The following ANK2 variants were observed in gnomAD, a reference collection of about 807,000 sequenced individuals.
The protein encoded by ANK2 is ankyrin 2.
A neutral mutation model predicts 360.5 loss-of-function variants in ANK2; 83 were observed. That is an observed-to-expected ratio of 0.23 (90% CI 0.19 to 0.28). The LOEUF (loss-of-function observed/expected upper bound fraction) is 0.28. ANK2 is among the 10% of genes least tolerant of loss of function. The pLI is 1.00. For missense variants in ANK2, 4,201 were observed against 4,795.7 expected (o/e 0.88, Z 3.66); for synonymous variants, 1,740 against 1,759.5 (o/e 0.99, Z 0.28).
At chr4:112,839,686 A>C (rs2061694692) in intron 1 of ANK2, among the ~76,000 whole-genome samples, 1 of 152,238 alleles carries the variant, frequency 6.6e-6, no homozygotes, top group South Asian at 2.1e-4. Flanking sequence ...TCAAAGAACA[A>C]GGAAGCGGCT....
chr4:113,086,647 C>T (rs866237605), intron 1 of ANK2, among the ~76,000 whole-genome samples: 9 of 152,098 alleles, frequency 5.9e-5, no homozygotes, highest in African/African-American at 2.2e-4. Flanking sequence ...AGCAAACAAA[C>T]AAACAAAAAA....
intron 14 of ANK2, among the ~76,000 whole-genome samples, chr4:113,265,695 C>A (rs185072408): frequency 2.6e-4 from 39 of 152,226 alleles, no homozygotes; most frequent in African/African-American, 8.9e-4. Context: ...TTGAATACAC[C>A]AGAATGCACT....
At chr4:113,240,071 AAAACACTGGTTTC>A (rs1373933274) in intron 7 of ANK2, among the ~76,000 whole-genome samples, 5 of 152,200 alleles carry the variant, frequency 3.3e-5, no homozygotes, top group African/African-American at 1.2e-4. Flanking sequence ...AAATAAAACA[AAAACACTGGTTTC>A]TTTGAATCTT....
In ANK2 at chr4:113,293,478, C is replaced by T; in HGVS notation, c.2415C>T (p.Gly805=). 2 of 1,613,844 alleles carry T rather than the reference C, an allele frequency of 1.2e-6. No homozygotes were observed. Among genetic ancestry groups the T allele is most frequent in the Non-Finnish European group, 1.7e-6 (2 of 1,180,004 alleles). ...NTALAIAKRL[G]YISVVDTLKV... Reference sequence around the variant, plus strand: ...CCTTGGCGATTGCTAAGCGTCTGGGCTACATCTCCGTGGTCGACACCCTGA... The same window carrying T: ...CCTTGGCGATTGCTAAGCGTCTGGGTTACATCTCCGTGGTCGACACCCTGA... Residue 805 remains glycine, a synonymous_variant, in exon 22 of 46, where the codon GGC becomes GGT. Coordinates refer to ENST00000357077, the MANE Select transcript of ANK2 (RefSeq NM_001148.6).
intron 1 of ANK2, among the ~76,000 whole-genome samples, chr4:113,078,071 T>C (rs531173189): frequency 7.9e-4 from 121 of 152,308 alleles, no homozygotes; most frequent in African/African-American, 2.7e-3. Flanking sequence ...GTAAAGTATA[T>C]AAGTGGTTTA....
In ANK2 at chr4:113,369,893, ACTTC is replaced by A; in HGVS notation, c.11610+89_11610+92del. The A allele has an allele frequency of 3.2e-6, 5 of 1,556,446 alleles. No homozygotes were observed. The Admixed American group carries it at 6.9e-5, about 22-fold the overall frequency. On this transcript the variant is annotated intron_variant, in intron 43 of 45. Transcript: ENST00000357077. ...ATTTCTATGATGGTTTATTTTTTGCACTTCAAAACAAAAAAGTTAACCAAATTAA... is the reference window on the plus strand; with the variant it reads ...ATTTCTATGATGGTTTATTTTTTGCAAAAACAAAAAAGTTAACCAAATTAA...
intron 2 of ANK2, among the ~76,000 whole-genome samples, chr4:112,960,245 C>T (rs2034040241): frequency 6.6e-6 from 1 of 151,964 alleles, no homozygotes; most frequent in South Asian, 2.1e-4. Context: ...ATATATTGTC[C>T]ACAACCTTCT....
the ANK2 span, among the ~76,000 whole-genome samples, chr4:112,784,133 A>G: frequency 6.6e-6 from 1 of 152,094 alleles, no homozygotes; most frequent in Non-Finnish European, 1.5e-5. Flanking sequence ...CAATGCTTCT[A>G]CAAATACATA....
At chr4:112,783,363 T>C in the ANK2 span, among the ~76,000 whole-genome samples, 1 of 152,202 alleles carries the variant, frequency 6.6e-6, no homozygotes, top group South Asian at 2.1e-4. Context: ...TTGGTGTTTT[T>C]CTATGTCATA....
Position 113,341,930 on chromosome 4 carries a change from AAT to A in ANK2, c.4122+16_4122+17del. ...AGGGATGTGGAGGTACTGTACCAAA[AAT>A]AATAATAATAATTTATGCCATGTTG... On this transcript the variant is annotated intron_variant, in intron 33 of 45. Coordinates refer to ENST00000357077, the MANE Select transcript of ANK2 (RefSeq NM_001148.6). The A allele has an allele frequency of 6.5e-7, 1 of 1,543,164 alleles. No individual in the cohort carries two copies. The highest frequency in any genetic ancestry group is 8.9e-7 in the Non-Finnish European group (1 of 1,120,758).
Position 113,333,215 on chromosome 4 carries a change from T to G in ANK2, c.3379+7T>G. ...CTTAACGGCATGGATGAAGGTACTTTCAGATGAAGCGTTTTAAAAGAAATC... is the reference window on the plus strand; with the variant it reads ...CTTAACGGCATGGATGAAGGTACTTGCAGATGAAGCGTTTTAAAAGAAATC... On this transcript the variant is annotated splice_region_variant and intron_variant, in intron 29 of 45. Coordinates refer to ENST00000357077, the MANE Select transcript of ANK2 (RefSeq NM_001148.6). 6.2e-7 allele frequency: 1 copy of G among 1,614,108 alleles called. No individual in the cohort carries two copies. The highest frequency in any genetic ancestry group is 1.3e-5 in the African/African-American group (1 of 75,034).
At chr4:113,332,832 T>G in intron 28 of ANK2, 1 of 594,262 alleles carries the variant, frequency 1.7e-6, no homozygotes, top group East Asian at 2.9e-5. Context: ...CAGGGAAACA[T>G]TATTTGGCTT....
In ANK2 at chr4:113,285,027, T is replaced by C. The variant is rs138883383; in HGVS notation, c.2079+2155T>C. Among the ~76,000 whole-genome samples, 791 of 152,196 alleles carry C rather than the reference T, an allele frequency of 5.2e-3. 7 individuals carry two copies. The highest frequency in any genetic ancestry group is 0.01 in the Middle Eastern group (3 of 294). The stretch of plus-strand genomic sequence containing the variant: ...ATCATTGTCCAAACACCATCTATCA[T>C]AAAATAAAACCAAAAAAGATCCGTC... On this transcript the variant is annotated intron_variant, in intron 18 of 45. Transcript: ENST00000357077.
chr4:112,889,906 G>T (rs1377198411), intron 1 of ANK2, among the ~76,000 whole-genome samples: 1 of 152,174 alleles, frequency 6.6e-6, no homozygotes, highest in Non-Finnish European at 1.5e-5. Flanking sequence ...GAGGTCTGTG[G>T]GACCGTGATG....
At chr4:113,012,512 T>G (rs1390122073) in intron 2 of ANK2, among the ~76,000 whole-genome samples, 1 of 152,208 alleles carries the variant, frequency 6.6e-6, no homozygotes, top group Non-Finnish European at 1.5e-5. Flanking sequence ...ACCCTCTTAA[T>G]TAACCATACC....
chr4:113,048,917 G>GACACAC (rs55814667), upstream of ANK2, among the ~76,000 whole-genome samples: 200 of 139,322 alleles, frequency 1.4e-3, 3 homozygotes, highest in Non-Finnish European at 1.8e-3. Context: ...CCCCTACCCA[G>GACACAC]ACACACACAC....
In ANK2 at chr4:113,292,419, G is replaced by T; in HGVS notation, c.2281G>T (p.Gly761Cys). ...CCGCCACCACTGTCCTCCACAGAACGGCTACACGCCTTTGCACCAGGCCGC... is the reference window on the plus strand; with the variant it reads ...CCGCCACCACTGTCCTCCACAGAACTGCTACACGCCTTTGCACCAGGCCGC... ...GANVNAKTKN[G>C]YTPLHQAAQQ... Residue 761 changes from glycine to cysteine, a missense_variant, in exon 21 of 46, where the codon GGC becomes TGC. Around this residue, in one of 4 missense-constraint regions of ANK2, gnomAD observed 1,268 missense variants for 1,650.8 expected, o/e 0.77. Coordinates refer to ENST00000357077, the MANE Select transcript of ANK2 (RefSeq NM_001148.6). The T allele has an allele frequency of 6.2e-7, 1 of 1,609,402 alleles. No individual in the cohort carries two copies. The highest frequency in any genetic ancestry group is 8.5e-7 in the Non-Finnish European group (1 of 1,177,914).
Position 113,369,579 on chromosome 4 carries a change from G to GCAAGA in ANK2, c.11387_11391dup (p.Pro3798ArgfsTer52), listed in dbSNP as rs1180467477. ...GCTATGATAGTACCCAGCTCTCCCA[G>GCAAGA]CAAGACACCTGAGGAAGTTAGCACC... On this transcript the variant is annotated frameshift_variant, in exon 43 of 46. Coordinates refer to ENST00000357077, the MANE Select transcript of ANK2 (RefSeq NM_001148.6). LOFTEE classifies it high-confidence loss of function. 6.2e-7 allele frequency: 1 copy of GCAAGA among 1,614,108 alleles called. No homozygotes were observed. Among genetic ancestry groups the GCAAGA allele is most frequent in the Non-Finnish European group, 8.5e-7 (1 of 1,180,002 alleles).
chr4:112,738,306 G>A, the ANK2 span, among the ~76,000 whole-genome samples: 14 of 151,978 alleles, frequency 9.2e-5, no homozygotes, highest in African/African-American at 3.1e-4. Context: ...AAGCTACTCA[G>A]GAGACTGAGG....
Sources: allele counts gnomAD v4.1 joint callset (sites outside exome capture counted in the v4.1 genomes callset), GRCh38; gene constraint gnomAD v4.1.1; regional missense constraint gnomAD v4.1.1; transcripts MANE v1.5; gene names NCBI Gene and HGNC (gene_info 2026-07-23, HGNC 2026-07-21).